The following KIAA1217 variants were observed in gnomAD, a reference collection of about 807,000 sequenced individuals.
The protein encoded by KIAA1217 is sickle tail protein homolog.
A neutral mutation model predicts 163.9 loss-of-function variants in KIAA1217; 88 were observed. The ratio of observed to expected loss-of-function variants is 0.54; its 90% CI spans 0.45 to 0.64. KIAA1217 has a LOEUF of 0.64. KIAA1217 is among the 30% of genes least tolerant of loss of function. The probability of loss-of-function intolerance (pLI) is 0.00; values close to 1 mark genes in which losing one functional copy is unlikely to be tolerated. For missense variants in KIAA1217, 2,372 were observed against 2,475.0 expected, an observed-to-expected ratio of 0.96 and a Z score of 0.88; for synonymous variants, 903 against 923.1, an observed-to-expected ratio of 0.98 and a Z score of 0.39.
At chr10:24,256,687 T>G (rs1450533784) in intron 2 of KIAA1217, among the ~76,000 whole-genome samples, 1 of 152,216 alleles carries the variant, frequency 6.6e-6, no homozygotes, top group Non-Finnish European at 1.5e-5. Context: ...GAGGATTTGC[T>G]TTGTGTGTGT....
chr10:23,966,001 T>G (rs909772537), intron 1 of KIAA1217, among the ~76,000 whole-genome samples: 1 of 152,164 alleles, frequency 6.6e-6, no homozygotes, highest in African/African-American at 2.4e-5. Flanking sequence ...TCTTAGCCCA[T>G]ATTGCCAACA....
intron 1 of KIAA1217, among the ~76,000 whole-genome samples, chr10:23,946,615 T>A (rs913221226): frequency 3.9e-5 from 6 of 152,180 alleles, no homozygotes. Context: ...AGTGTTGTTT[T>A]CATCATTTAA....
intron 3 of KIAA1217, among the ~76,000 whole-genome samples, chr10:24,402,522 A>AG (rs2056683039): frequency 2.5e-5 from 2 of 79,120 alleles, no homozygotes; most frequent in African/African-American, 9.7e-5. Context: ...AAAACAAAAA[A>AG]CAAAACAAAA....
Position 24,433,025 on chromosome 10 carries a change from C to G in KIAA1217, c.584C>G (p.Thr195Ser), listed in dbSNP as rs769883338. The change falls in exon 4 of 21, where the codon ACC becomes AGC. Residue 195 changes from threonine to serine, a missense_variant. By Grantham distance (58) the Thr-to-Ser change is moderately conservative. Coordinates refer to ENST00000376454, the MANE Select transcript of KIAA1217 (RefSeq NM_019590.5). ...GVLYLQYGDE[T>S]KQLRMPNEIT... ...CTCTATCTCCAGTATGGAGATGAAA[C>G]CAAGCAGCTCAGGATGCCGAATGAA... 1 of 1,613,982 alleles carries G rather than the reference C, an allele frequency of 6.2e-7. No individual in the cohort carries two copies.
chr10:23,953,990 C>T (rs1174745867), intron 1 of KIAA1217, among the ~76,000 whole-genome samples: 1 of 152,190 alleles, frequency 6.6e-6, no homozygotes, highest in Non-Finnish European at 1.5e-5. Context: ...AAGCTCTTCT[C>T]TTGCTATGAA....
intron 2 of KIAA1217, among the ~76,000 whole-genome samples, chr10:24,348,025 T>C (rs959567184): frequency 1.3e-5 from 2 of 152,190 alleles, no homozygotes; most frequent in African/African-American, 4.8e-5. Context: ...GCTATATGAG[T>C]GAAAGATAAT....
At chr10:24,505,357 G>T (rs1271541238) in intron 9 of KIAA1217, among the ~76,000 whole-genome samples, 1 of 151,454 alleles carries the variant, frequency 6.6e-6, no homozygotes, top group Non-Finnish European at 1.5e-5. Flanking sequence ...TAGCAACAAT[G>T]GGAAAGGGTT....
chr10:24,206,994 G>A (rs1295770152), upstream of KIAA1217, among the ~76,000 whole-genome samples: 2 of 152,188 alleles, frequency 1.3e-5, no homozygotes, highest in Non-Finnish European at 2.9e-5. Flanking sequence ...ACAGCCCCCA[G>A]GAAATCTTAA....
intron 1 of KIAA1217, among the ~76,000 whole-genome samples, chr10:23,827,108 G>T (rs911478916): frequency 6.6e-6 from 1 of 152,210 alleles, no homozygotes; most frequent in African/African-American, 2.4e-5. Context: ...CAGGTGCAGT[G>T]TGAACCTATA....
chr10:23,727,154 CTTTTTTTGTATTT>C (rs1414570479), intron 1 of KIAA1217, among the ~76,000 whole-genome samples: 4 of 151,580 alleles, frequency 2.6e-5, no homozygotes, highest in Non-Finnish European at 5.9e-5. Context: ...AGCCTGGCTG[CTTTTTTTGTATTT>C]TTTTTAGTAG....
intron 1 of KIAA1217, among the ~76,000 whole-genome samples, chr10:23,726,065 T>G (rs769394017): frequency 1.6e-4 from 25 of 152,184 alleles, no homozygotes; most frequent in Non-Finnish European, 3.1e-4. Flanking sequence ...TTTATGGTGT[T>G]TGCAACTTTT....
At chr10:24,129,428 C>T (rs1338700104) in intron 2 of KIAA1217, among the ~76,000 whole-genome samples, 1 of 152,042 alleles carries the variant, frequency 6.6e-6, no homozygotes, top group East Asian at 1.9e-4. Flanking sequence ...CTCATTTGGT[C>T]ATTGGTATAT....
At chr10:24,413,543 T>A (rs777893295) in intron 3 of KIAA1217, among the ~76,000 whole-genome samples, 3 of 152,168 alleles carry the variant, frequency 2.0e-5, no homozygotes, top group Non-Finnish European at 4.4e-5. Flanking sequence ...CATAATCCTC[T>A]GTTGCCTTGC....
At chr10:24,150,013 C>A (rs1254234884) in intron 2 of KIAA1217, among the ~76,000 whole-genome samples, 1 of 152,056 alleles carries the variant, frequency 6.6e-6, no homozygotes, top group East Asian at 1.9e-4. Flanking sequence ...CTGTATTTTT[C>A]TTTTTTCTTT....
At chr10:23,742,994 C>G (rs181942524) in intron 1 of KIAA1217, among the ~76,000 whole-genome samples, 608 of 152,242 alleles carry the variant, frequency 4.0e-3, no homozygotes, top group African/African-American at 0.013. Context: ...CTGCCCAAAC[C>G]TGTTCTGCCT....
intron 2 of KIAA1217, among the ~76,000 whole-genome samples, chr10:24,038,659 C>T (rs1256150899): frequency 6.6e-6 from 1 of 152,056 alleles, no homozygotes; most frequent in East Asian, 1.9e-4. Context: ...GTTGCTAGCA[C>T]CGGCACAGGG....
intron 1 of KIAA1217, among the ~76,000 whole-genome samples, chr10:24,218,385 C>A (rs1589985859): frequency 6.6e-6 from 1 of 152,124 alleles, no homozygotes; most frequent in African/African-American, 2.4e-5. Flanking sequence ...TAGGTCCAGG[C>A]TATCAGGATG....
In KIAA1217 at chr10:23,745,727, A is replaced by G. The variant is rs556230926; in HGVS notation, c.-321+50493A>G. 1.2e-4 allele frequency among the ~76,000 whole-genome samples: 19 copies of G among 152,296 alleles called. No individual in the cohort carries two copies. The South Asian group carries it at 3.7e-3, about 30-fold the overall frequency. On this transcript the variant is annotated intron_variant, in intron 1 of 18. Coordinates refer to the KIAA1217 transcript ENST00000376462. ...TGTAGCCTTGGAAAATGTGACCGACAGGTGTGGAAGTACTCCTGGAGCCCA... is the reference window on the plus strand; with the variant it reads ...TGTAGCCTTGGAAAATGTGACCGACGGGTGTGGAAGTACTCCTGGAGCCCA...
intron 5 of KIAA1217, among the ~76,000 whole-genome samples, chr10:24,439,197 C>G (rs1381390200): frequency 6.6e-6 from 1 of 152,038 alleles, no homozygotes; most frequent in African/African-American, 2.4e-5. Context: ...GATTGAGTTT[C>G]TAAAAATAAG....
Sources: allele counts gnomAD v4.1 joint callset (sites outside exome capture counted in the v4.1 genomes callset), GRCh38; gene constraint gnomAD v4.1.1; transcripts MANE v1.5; gene names NCBI Gene and HGNC (gene_info 2026-07-23, HGNC 2026-07-21).